ARL6IP4: variants seen among roughly 807,000 people sequenced by gnomAD.
ARL6IP4 encodes ADP-ribosylation factor-like protein 6-interacting protein 4.
A neutral mutation model predicts 28.1 loss-of-function variants in ARL6IP4; 24 were observed. The observed-to-expected ratio is 0.86, with a 90% CI of 0.62 to 1.20. The LOEUF (loss-of-function observed/expected upper bound fraction) is 1.20, where lower values mean the gene tolerates loss of function less well. ARL6IP4 is among the 50% of genes most tolerant of loss of function. The pLI is 0.00. For missense variants in ARL6IP4, 343 were observed against 302.4 expected, an observed-to-expected ratio of 1.13 and a Z score of -1.00; for synonymous variants, 162 against 122.3, an observed-to-expected ratio of 1.32 and a Z score of -2.14.
intron 2 of ARL6IP4, 51 bp from the exon 3 acceptor site, chr12:122,981,520 C>A: frequency 6.8e-7 from 1 of 1,477,580 alleles, no homozygotes; most frequent in African/African-American, 1.4e-5. Flanking sequence ...GTGCCTGCCC[C>A]AGGCCAGAGC....
In ARL6IP4 at chr12:122,982,631, A is replaced by C. The variant is rs1197011367; in HGVS notation, c.669A>C (p.Arg223=). The stretch of plus-strand genomic sequence containing the variant: ...GCTTTCTTCCCCAGCAAGCCACCCG[A>C]GGGGACTGCCTGGCCTTCCAGATGC... ...RHREINKQAT[R]GDCLAFQMRA... The change falls in exon 6 of 6, where the codon CGA becomes CGC. Residue 223 remains arginine, a synonymous_variant. Transcript: ENST00000315580. The C allele has an allele frequency of 1.9e-6, 3 of 1,613,868 alleles. No individual in the cohort carries two copies. The highest frequency in any genetic ancestry group is 2.5e-6 in the Non-Finnish European group (3 of 1,180,010).
rs772068134 is a variant in ARL6IP4 at position 122,982,454 on chromosome 12, C to G, written c.588-15C>G. ...CTGCCTATTCCTTGCTGAACGGAGA[C>G]CCTCCCACCCCCAGGCTTATTAAGG... On this transcript the variant is annotated splice_polypyrimidine_tract_variant and intron_variant, in intron 4 of 5. Transcript: ENST00000315580. 6.2e-6 allele frequency: 10 copies of G among 1,607,886 alleles called. No homozygotes were observed. In the East Asian group the frequency reaches 1.1e-4, roughly 18 times the overall value.
chr12:122,980,984 G>A (rs1225051883), intron 1 of ARL6IP4, 145 bp from the exon 2 acceptor site: 1 of 1,389,324 alleles, frequency 7.2e-7, no homozygotes, highest in Non-Finnish European at 9.3e-7. Flanking sequence ...CCCCAGCGCT[G>A]GGGGTGGGTG....
chr12:122,982,193 G>A, intron 4 of ARL6IP4, 119 bp downstream of exon 4: 1 of 1,169,728 alleles, frequency 8.5e-7, no homozygotes, highest in Non-Finnish European at 1.3e-6. Flanking sequence ...GCCAAATGTG[G>A]GCAAAAATAC....
intron 4 of ARL6IP4, 140 bp downstream of exon 4, chr12:122,982,214 A>C (rs867051265): frequency 1.0e-6 from 1 of 1,002,196 alleles, no homozygotes; most frequent in African/African-American, 1.6e-5. Flanking sequence ...GGTCACTTGG[A>C]GTAAGTAGTT....
In ARL6IP4 at chr12:122,980,732, G is replaced by T; in HGVS notation, c.-25G>T. On this transcript the variant is annotated 5_prime_UTR_variant, in exon 1 of 6. Coordinates refer to ENST00000315580, the MANE Select transcript of ARL6IP4 (RefSeq NM_018694.4). Reference sequence around the variant, plus strand: ...AGGCGCGGGGCGGGCTGTCCGGCCCGCAGGGCGGTCGAGGTGGGAACGGAG... The same window carrying T: ...AGGCGCGGGGCGGGCTGTCCGGCCCTCAGGGCGGTCGAGGTGGGAACGGAG... 7.6e-7 allele frequency: 1 copy of T among 1,322,314 alleles called. No individual in the cohort carries two copies. Among genetic ancestry groups the T allele is most frequent in the Non-Finnish European group, 9.6e-7 (1 of 1,040,698 alleles). The allele number at this position is 1,322,314 out of a possible 1,614,324, so 81.9% of individuals were successfully genotyped here. A position where few individuals can be genotyped will look rare whatever the true frequency, so the allele number is the denominator to read the frequency against.
chr12:122,981,148 C>A lies in ARL6IP4; in HGVS notation c.9C>A (p.His3Gln), dbSNP rs200424213. 1.9e-6 allele frequency: 3 copies of A among 1,548,960 alleles called. No homozygotes were observed. The highest frequency in any genetic ancestry group is 2.6e-6 in the Non-Finnish European group (3 of 1,146,442). Residue 3 changes from histidine to glutamine, a missense_variant, in exon 2 of 6, where the codon CAC becomes CAA. Transcript: ENST00000315580. MA[H>Q]VGSRKRSRSR... Reference sequence around the variant, plus strand: ...CGCCAGCCCGCGGCGCCATGGCTCACGTCGGCTCCCGCAAGCGCTCGAGGA... The same window carrying A: ...CGCCAGCCCGCGGCGCCATGGCTCAAGTCGGCTCCCGCAAGCGCTCGAGGA...
In ARL6IP4 at chr12:122,982,738, G is replaced by C; in HGVS notation, c.*62G>C. ...CGGCCCAGCCTGGGCAGGTTTCAGG[G>C]TGCCAGTGGGAAGCCTGATGGGTGC... On this transcript the variant is annotated 3_prime_UTR_variant, in exon 6 of 6. Transcript: ENST00000315580. 6.5e-7 allele frequency: 1 copy of C among 1,539,182 alleles called. No homozygotes were observed. Among genetic ancestry groups the C allele is most frequent in the Non-Finnish European group, 8.9e-7 (1 of 1,119,508 alleles).
Position 122,982,619 on chromosome 12 carries a change from GCAAGC to G in ARL6IP4, c.660_664del (p.Gln220HisfsTer44), listed in dbSNP as rs778618479. Reference sequence around the variant, plus strand: ...CTCCTCCTGTGTGCTTTCTTCCCCAGCAAGCCACCCGAGGGGACTGCCTGGCCTTC... The same window carrying G: ...CTCCTCCTGTGTGCTTTCTTCCCCAGCACCCGAGGGGACTGCCTGGCCTTC... On this transcript the variant is annotated frameshift_variant and splice_region_variant, in exon 6 of 6. Transcript: ENST00000315580. LOFTEE classifies it high-confidence loss of function. 6.2e-7 allele frequency: 1 copy of G among 1,614,128 alleles called. No homozygotes were observed. Among genetic ancestry groups the G allele is most frequent in the South Asian group, 1.1e-5 (1 of 91,086 alleles).
At chr12:122,980,908 C>T (rs2037615452) in intron 1 of ARL6IP4, 163 bp downstream of exon 1, 7 of 1,359,596 alleles carry the variant, frequency 5.1e-6, no homozygotes, top group Non-Finnish European at 6.6e-6. Flanking sequence ...GTGGGGCCTC[C>T]GGGCACGGGG....
At position 122,982,713 on chromosome 12, in the gene ARL6IP4, C is replaced by A. The variant is rs557371231; in HGVS notation, c.*37C>A. 1 of 1,600,938 alleles carries A rather than the reference C, an allele frequency of 6.2e-7. No individual in the cohort carries two copies. The highest frequency in any genetic ancestry group is 8.5e-7 in the Non-Finnish European group (1 of 1,170,986). On this transcript the variant is annotated 3_prime_UTR_variant, in exon 6 of 6. Transcript: ENST00000315580. ...GGCCAAGGCCTGTGGACGACGCTGG[C>A]GGCCCAGCCTGGGCAGGTTTCAGGG... is the stretch of plus-strand genomic sequence containing the variant.
In ARL6IP4 at chr12:122,980,765, G is replaced by A; in HGVS notation, c.-12+20G>A. On this transcript the variant is annotated intron_variant, in intron 1 of 5. Coordinates refer to ENST00000315580, the MANE Select transcript of ARL6IP4 (RefSeq NM_018694.4). ...GTCGAGGTGGGAACGGAGCAGCCCC[G>A]GGGGCCCCCTTGAGGCGGCGAGGCC... The A allele has an allele frequency of 7.7e-7, 1 of 1,306,452 alleles. No homozygotes were observed. Among genetic ancestry groups the A allele is most frequent in the Non-Finnish European group, 9.7e-7 (1 of 1,032,076 alleles). The allele number at this position is 1,306,452 out of a possible 1,614,324, so 80.9% of individuals were successfully genotyped here.
upstream of ARL6IP4, chr12:122,980,297 T>C: frequency 4.7e-6 from 6 of 1,276,472 alleles, no homozygotes; most frequent in Non-Finnish European, 4.9e-6. Flanking sequence ...AAGATCTTTC[T>C]GGCCCCTACG....
chr12:122,981,133 C>T lies in ARL6IP4; in HGVS notation c.-7C>T, dbSNP rs1317417451. ...GCGCGTCTTCTTCGTCGCCAGCCCG[C>T]GGCGCCATGGCTCACGTCGGCTCCC... On this transcript the variant is annotated 5_prime_UTR_variant, in exon 2 of 6. Transcript: ENST00000315580. The T allele has an allele frequency of 2.6e-6, 4 of 1,547,788 alleles. No individual in the cohort carries two copies. In the South Asian group the frequency reaches 3.6e-5, roughly 14 times the overall value.
At position 122,982,795 on chromosome 12, in the gene ARL6IP4, G is replaced by A. The variant is rs1454341384; in HGVS notation, c.*119G>A. The A allele has an allele frequency of 1.4e-5, 15 of 1,081,898 alleles. No individual in the cohort carries two copies. The highest frequency in any genetic ancestry group is 2.0e-5 in the Non-Finnish European group (15 of 737,882). 67.0% of individuals were successfully genotyped at this position (1,081,898 alleles called of 1,614,324 possible). On this transcript the variant is annotated 3_prime_UTR_variant, in exon 6 of 6. Coordinates refer to ENST00000315580, the MANE Select transcript of ARL6IP4 (RefSeq NM_018694.4). ...CCTTTCCCCCGTGGATTGGTCTCTGGCCCAGCCCAGTCTCTTCTCAGGGGC... is the reference window on the plus strand; with the variant it reads ...CCTTTCCCCCGTGGATTGGTCTCTGACCCAGCCCAGTCTCTTCTCAGGGGC...
chr12:122,980,647 G>A (rs1302122844), upstream of ARL6IP4: 20 of 1,393,796 alleles, frequency 1.4e-5, no homozygotes, highest in Non-Finnish European at 1.8e-5. Context: ...CTTCCCAGCC[G>A]GCCAGCCTCC....
At position 122,981,721 on chromosome 12, in the gene ARL6IP4, G is replaced by A. The variant is rs755931917; in HGVS notation, c.311G>A (p.Arg104Gln). 22 of 1,552,884 alleles carry A rather than the reference G, an allele frequency of 1.4e-5. 1 individual carries two copies. Among genetic ancestry groups the A allele is most frequent in the Admixed American group, 5.9e-5 (3 of 51,144 alleles). Residue 104 changes from arginine to glutamine, a missense_variant, in exon 3 of 6, where the codon CGG (arginine) becomes CAG (glutamine). By Grantham distance (43) the Arg-to-Gln change is conservative. Coordinates refer to ENST00000315580, the MANE Select transcript of ARL6IP4 (RefSeq NM_018694.4). ...SSSSSDGRKK[R>Q]GKYKDKRRKK... ...TCCTCCAGTGATGGCCGGAAGAAGC[G>A]GGGGAAGTACAAGGACAAGAGGAGG...
At position 122,982,811 on chromosome 12, in the gene ARL6IP4, T is replaced by G; in HGVS notation, c.*135T>G. 1 of 933,580 alleles carries G rather than the reference T, an allele frequency of 1.1e-6. No homozygotes were observed. Among genetic ancestry groups the G allele is most frequent in the South Asian group, 1.5e-5 (1 of 66,368 alleles). The allele number at this position is 933,580 out of a possible 1,614,324, so 57.8% of individuals were successfully genotyped here. A position where few individuals can be genotyped will look rare whatever the true frequency, so the allele number is the denominator to read the frequency against. On this transcript the variant is annotated 3_prime_UTR_variant, in exon 6 of 6. Transcript: ENST00000315580. ...TGGTCTCTGGCCCAGCCCAGTCTCTTCTCAGGGGCAGGGGGTGGAGGTTGG... is the reference window on the plus strand; with the variant it reads ...TGGTCTCTGGCCCAGCCCAGTCTCTGCTCAGGGGCAGGGGGTGGAGGTTGG...
upstream of ARL6IP4, chr12:122,980,386 G>T: frequency 7.4e-7 from 1 of 1,344,370 alleles, no homozygotes. Context: ...GCTCGCAGTC[G>T]TATGGAGAGG....
Sources: allele counts gnomAD v4.1 joint callset, GRCh38; gene constraint gnomAD v4.1.1; transcripts MANE v1.5; gene names NCBI Gene and HGNC (gene_info 2026-07-23, HGNC 2026-07-21).